KLHL6: variants seen among roughly 807,000 people sequenced by gnomAD.
KLHL6 encodes the protein kelch like family member 6, also known as kelch-like protein 6.
A neutral mutation model predicts 58.6 loss-of-function variants in KLHL6; 41 were observed. The observed-to-expected ratio is 0.70, with a 90% CI of 0.55 to 0.91. The LOEUF (loss-of-function observed/expected upper bound fraction) is 0.91, where lower values mean the gene tolerates loss of function less well. KLHL6 is among the 40% of genes least tolerant of loss of function. The pLI is 0.00. For synonymous variants in KLHL6, 338 were observed against 322.7 expected (o/e 1.05, Z -0.51); for missense variants, 714 against 805.6 (o/e 0.89, Z 1.38).
intron 3 of KLHL6, among the ~76,000 whole-genome samples, chr3:183,500,805 A>G (rs1717847369): frequency 6.6e-6 from 1 of 152,196 alleles, no homozygotes; most frequent in East Asian, 1.9e-4. Flanking sequence ...CCAGATGGCC[A>G]AAGTCGCCAA....
chr3:183,507,397 G>A (rs1286676248), intron 3 of KLHL6, among the ~76,000 whole-genome samples: 2 of 151,942 alleles, frequency 1.3e-5, no homozygotes, highest in African/African-American at 2.4e-5. Context: ...GACTAGACAG[G>A]GCACGTTCTT....
chr3:183,506,865 TAAA>T (rs1386945305), intron 3 of KLHL6, among the ~76,000 whole-genome samples: 1 of 148,140 alleles, frequency 6.8e-6, no homozygotes. Context: ...AATAAATAAA[TAAA>T]TAAATAAAAG....
At chr3:183,507,063 G>C (rs1718029691) in intron 3 of KLHL6, among the ~76,000 whole-genome samples, 1 of 152,106 alleles carries the variant, frequency 6.6e-6, no homozygotes, top group Non-Finnish European at 1.5e-5. Flanking sequence ...GGTTGGAGAG[G>C]ACACTAGAGA....
rs1398405257 is a variant in KLHL6 at position 183,492,162 on chromosome 3, AG to A, written c.1630del (p.Leu544SerfsTer43). 6.2e-7 allele frequency: 1 copy of A among 1,613,328 alleles called. No individual in the cohort carries two copies. On this transcript the variant is annotated frameshift_variant, in exon 7 of 7. Transcript: ENST00000341319. LOFTEE classifies it high-confidence loss of function. The surrounding 1 kb of genome is among the most constrained non-coding windows in gnomAD (Gnocchi z 5.9). The part of the protein sequence containing the change: ...LEDSWCLVTQ[L>X]SHERASCGIA... ...ACCGCAGCTGGCCCGCTCGTGGCTG[AG>A]CTGGGTCACCAGGCACCAGCTGTCT...
At chr3:183,534,886 ATATGTATATATGTATGTATG>A (rs1712306535) in intron 1 of KLHL6, among the ~76,000 whole-genome samples, 1 of 150,274 alleles carries the variant, frequency 6.7e-6, no homozygotes, top group Non-Finnish European at 1.5e-5. Flanking sequence ...ATGTATGTAT[ATATGTATATATGTATGTATG>A]TATGTATATA....
Position 183,499,741 on chromosome 3 carries a change from C to G in KLHL6, c.996G>C (p.Arg332=), listed in dbSNP as rs1390202444. 1 of 1,610,640 alleles carries G rather than the reference C, an allele frequency of 6.2e-7. No homozygotes were observed. The highest frequency in any genetic ancestry group is 8.5e-7 in the Non-Finnish European group (1 of 1,178,664). The change falls in exon 4 of 7, where the codon CGG becomes CGC. Residue 332 remains arginine (R), a synonymous_variant. Coordinates refer to ENST00000341319, the MANE Select transcript of KLHL6 (RefSeq NM_130446.4). The surrounding 1 kb of genome is among the most constrained non-coding windows in gnomAD (Gnocchi z 4.6). The part of the protein sequence containing the change: ...MIIGGCTKDE[R]FVAEVTCLDP... The stretch of plus-strand genomic sequence containing the variant: ...CCAGGCAGGTCACCTCTGCCACAAA[C>G]CGTTCATCCTTCGTGCAGCCGCCAA...
At chr3:183,534,128 CTTTGT>C (rs1712274143) in intron 1 of KLHL6, among the ~76,000 whole-genome samples, 1 of 122,034 alleles carries the variant, frequency 8.2e-6, no homozygotes, top group African/African-American at 2.9e-5. Flanking sequence ...TTTTAAAGTA[CTTTGT>C]ACTTTTAAAG....
chr3:183,494,247 A>G lies in KLHL6; in HGVS notation c.1182T>C (p.Tyr394=), dbSNP rs190873585. Residue 394 remains tyrosine, a synonymous_variant, in exon 5 of 7, where the codon TAT becomes TAC. Coordinates refer to ENST00000341319, the MANE Select transcript of KLHL6 (RefSeq NM_130446.4). ...GKETQHDVWK[Y]NSSINKWIQI... is the part of the protein sequence containing the mutation. ...GAATCCACTTGTTGATCGAAGAATT[A>G]TATTTCCAAACATCATGCTGTGTTT... The G allele has an allele frequency of 2.6e-4, 412 of 1,614,098 alleles. No individual in the cohort carries two copies. Among genetic ancestry groups the G allele is most frequent in the Admixed American group, 4.5e-4 (27 of 60,028 alleles).
intron 5 of KLHL6, chr3:183,493,858 A>G: frequency 1.8e-6 from 1 of 566,122 alleles, no homozygotes. Flanking sequence ...AGGTGCCCAC[A>G]CAGACCTTCA....
chr3:183,516,976 T>C (rs2108679473), intron 2 of KLHL6, among the ~76,000 whole-genome samples: 1 of 152,360 alleles, frequency 6.6e-6, no homozygotes, highest in East Asian at 1.9e-4. Context: ...TGGTGTGATC[T>C]CAACTCAATG....
chr3:183,522,526 T>A (rs1711802321), intron 2 of KLHL6: 1 of 152,168 alleles, frequency 6.6e-6, no homozygotes, highest in South Asian at 2.1e-4. Flanking sequence ...ATCCAGCTGG[T>A]TTTCTTGCCT....
intron 1 of KLHL6, among the ~76,000 whole-genome samples, chr3:183,554,549 G>A (rs1713039672): frequency 1.3e-5 from 2 of 152,104 alleles, no homozygotes; most frequent in Non-Finnish European, 2.9e-5. Context: ...CGTAACTAGA[G>A]GCCTCTCCCA....
In KLHL6 at chr3:183,492,104, G is replaced by A. The variant is rs748455295; in HGVS notation, c.1689C>T (p.Thr563=). The stretch of plus-strand genomic sequence containing the variant: ...CCTCGTTCTTCTCGTCCCGCCCGCC[G>A]GTGATGTAGAGCCGGTTGTTGCAGG... ...IAPCNNRLYI[T]GGRDEKNEVI... The change falls in exon 7 of 7, where the codon ACC becomes ACT. Residue 563 remains threonine (T), a synonymous_variant. Transcript: ENST00000341319. The surrounding 1 kb of genome is among the most constrained non-coding windows in gnomAD (Gnocchi z 5.9). 56 of 1,613,810 alleles carry A rather than the reference G, an allele frequency of 3.5e-5. No homozygotes were observed. Among genetic ancestry groups the A allele is most frequent in the Non-Finnish European group, 4.7e-5 (55 of 1,180,034 alleles).
chr3:183,507,269 A>C (rs957067310), intron 3 of KLHL6, among the ~76,000 whole-genome samples: 2 of 152,150 alleles, frequency 1.3e-5, no homozygotes, highest in Non-Finnish European at 2.9e-5. Flanking sequence ...ATGAGTTTTG[A>C]GAAATTTCCA....
chr3:183,548,000 G>C (rs1332219671), intron 1 of KLHL6, among the ~76,000 whole-genome samples: 1 of 152,176 alleles, frequency 6.6e-6, no homozygotes, highest in Admixed American at 6.5e-5. Context: ...ATACACACAT[G>C]CACAGGCAGG....
chr3:183,515,514 C>T (rs1198760812), intron 2 of KLHL6, among the ~76,000 whole-genome samples: 1 of 152,182 alleles, frequency 6.6e-6, no homozygotes, highest in East Asian at 1.9e-4. Flanking sequence ...CACCACTGTA[C>T]TCTAGCCTGG....
intron 3 of KLHL6, among the ~76,000 whole-genome samples, chr3:183,507,351 AG>A (rs1414964972): frequency 6.6e-6 from 1 of 152,198 alleles, no homozygotes; most frequent in Non-Finnish European, 1.5e-5. Flanking sequence ...ATTTCACCAG[AG>A]TGGGCAAGGA....
intron 2 of KLHL6, among the ~76,000 whole-genome samples, chr3:183,527,385 A>T (rs1712009620): frequency 6.6e-6 from 1 of 152,226 alleles, no homozygotes; most frequent in South Asian, 2.1e-4. Flanking sequence ...TACTATTTAA[A>T]AAGTTTTTAT....
rs925483209 is a variant in KLHL6 at position 183,492,957 on chromosome 3, C to CCAGCTCT, written c.1351-257_1351-251dup. The CCAGCTCT allele has an allele frequency of 1.2e-5, 6 of 494,670 alleles. No homozygotes were observed. Among genetic ancestry groups the CCAGCTCT allele is most frequent in the Non-Finnish European group, 1.8e-5 (5 of 270,724 alleles). The allele number at this position is 494,670 out of a possible 1,614,324, so 30.6% of individuals were successfully genotyped here. ...GGGATGTGCCAGCCTCTCCCGGAAT[C>CCAGCTCT]CAGCTCTCAGGCAAGAATAAGTTTA... On this transcript the variant is annotated intron_variant, in intron 5 of 6. Coordinates refer to ENST00000341319, the MANE Select transcript of KLHL6 (RefSeq NM_130446.4). The surrounding 1 kb of genome is among the most constrained non-coding windows in gnomAD (Gnocchi z 5.9).
Sources: allele counts gnomAD v4.1 joint callset (sites outside exome capture counted in the v4.1 genomes callset), GRCh38; gene constraint gnomAD v4.1.1; non-coding constraint Gnocchi (gnomAD v3.1); transcripts MANE v1.5; gene names NCBI Gene and HGNC (gene_info 2026-07-23, HGNC 2026-07-21).